Variants in DPH6 observed in about 807,000 individuals in gnomAD.
The protein encoded by DPH6 is diphthamine biosynthesis 6, also known as diphthine--ammonia ligase.
In DPH6, 33 loss-of-function variants were observed where a neutral mutation model predicts 38.2. The ratio of observed to expected loss-of-function variants is 0.86; its 90% CI spans 0.65 to 1.15. The LOEUF is 1.15. DPH6 is among the 50% of genes most tolerant of loss of function. The pLI is 0.00. For missense variants in DPH6, 325 were observed against 320.0 expected (o/e 1.02, Z -0.12); for synonymous variants, 108 against 103.0 (o/e 1.05, Z -0.30).
chr15:35,346,830 A>G (rs1369374514), intron 3 of DPH6, among the ~76,000 whole-genome samples: 1 of 152,112 alleles, frequency 6.6e-6, no homozygotes, highest in African/African-American at 2.4e-5. Flanking sequence ...TGGTTCAAAA[A>G]TTATTAATTT....
intron 3 of DPH6, among the ~76,000 whole-genome samples, chr15:35,297,373 T>C (rs918883386): frequency 6.6e-6 from 1 of 151,576 alleles, no homozygotes; most frequent in Admixed American, 6.6e-5. Context: ...TCATCTCCAC[T>C]GATCTGTTGA....
chr15:35,362,739 A>C (rs1176988613), intron 3 of DPH6, among the ~76,000 whole-genome samples: 1 of 152,040 alleles, frequency 6.6e-6, no homozygotes, highest in Non-Finnish European at 1.5e-5. Flanking sequence ...GATCACACCA[A>C]GTTGTGCTGT....
At chr15:35,303,619 T>C (rs965385539) in intron 3 of DPH6, among the ~76,000 whole-genome samples, 1 of 150,838 alleles carries the variant, frequency 6.6e-6, no homozygotes, top group Non-Finnish European at 1.5e-5. Context: ...CAATCAAAAA[T>C]AACCTGATGA....
chr15:35,387,345 A>G (rs6495765), intron 6 of DPH6, among the ~76,000 whole-genome samples: 55,630 of 151,878 alleles, frequency 0.37, 12,194 homozygotes, highest in African/African-American at 0.62. Flanking sequence ...GGTTCCATAT[A>G]AACTTTAAAG....
chr15:35,502,718 A>G lies in DPH6; in HGVS notation c.312+35556T>C, dbSNP rs147870578. Among the ~76,000 whole-genome samples, 47 of 151,908 alleles carry G rather than the reference A, an allele frequency of 3.1e-4. No homozygotes were observed. The East Asian group carries it at 8.7e-3, about 28-fold the overall frequency. ...ATTCTTGAAGCAACTTATATGCAAT[A>G]AAGAAAAATTGCAACAATATGTTAC... On this transcript the variant is annotated intron_variant, in intron 3 of 8. Transcript: ENST00000256538.
the DPH6 span, among the ~76,000 whole-genome samples, chr15:35,149,619 C>T: frequency 6.6e-6 from 1 of 152,220 alleles, no homozygotes; most frequent in African/African-American, 2.4e-5. Context: ...ATGCACTCCT[C>T]AACCCACAGT....
the DPH6 span, among the ~76,000 whole-genome samples, chr15:35,168,674 A>AT: frequency 6.6e-6 from 1 of 152,080 alleles, no homozygotes; most frequent in African/African-American, 2.4e-5. Flanking sequence ...ATATGTTAAA[A>AT]TTTTTTTAAA....
chr15:35,174,045 T>C, the DPH6 span, among the ~76,000 whole-genome samples: 1 of 152,204 alleles, frequency 6.6e-6, no homozygotes, highest in African/African-American at 2.4e-5. Flanking sequence ...TCCAGTGTTA[T>C]CGTGACAATT....
intron 6 of DPH6, among the ~76,000 whole-genome samples, chr15:35,393,132 T>C (rs1384056984): frequency 6.6e-6 from 1 of 152,116 alleles, no homozygotes; most frequent in Non-Finnish European, 1.5e-5. Flanking sequence ...GGATGAATGA[T>C]GGAGAAGGGG....
At chr15:35,357,227 TTCCCAGGTGAGGCGATGCC>T (rs1337002823) in intron 3 of DPH6, among the ~76,000 whole-genome samples, 1 of 152,230 alleles carries the variant, frequency 6.6e-6, no homozygotes, top group Non-Finnish European at 1.5e-5. Flanking sequence ...CCCCTTGTGC[TTCCCAGGTGAGGCGATGCC>T]TCGCCCTGCT....
Position 35,546,134 on chromosome 15 carries a change from A to C in DPH6, c.8T>G (p.Val3Gly), listed in dbSNP as rs780683833. The change falls in exon 1 of 9, where the codon GTC (valine) becomes GGC (glycine). Residue 3 changes from valine (V) to glycine (G), a missense_variant. Transcript: ENST00000256538. ...ACCGCATTACCTGATCAGAGCCGCG[A>C]CCCTCATGCTGGGCGCAGTGCGCGT... is the stretch of plus-strand genomic sequence containing the variant. MR[V>G]AALISGGKDS... The C allele has an allele frequency of 1.5e-5, 21 of 1,403,078 alleles. No homozygotes were observed. Among genetic ancestry groups the C allele is most frequent in the Non-Finnish European group, 2.0e-5 (21 of 1,064,286 alleles). 86.9% of individuals were successfully genotyped at this position (1,403,078 alleles called of 1,614,324 possible).
the DPH6 span, among the ~76,000 whole-genome samples, chr15:35,167,498 C>T: frequency 6.0e-5 from 9 of 150,958 alleles, no homozygotes; most frequent in Non-Finnish European, 7.4e-5. Context: ...ATTCATTGAC[C>T]GTAGCCTGTA....
At chr15:35,419,438 T>G (rs1022715207) in intron 5 of DPH6, among the ~76,000 whole-genome samples, 20 of 152,102 alleles carry the variant, frequency 1.3e-4, no homozygotes, top group African/African-American at 4.6e-4. Flanking sequence ...ATGAGTTATC[T>G]CAACACGTGA....
chr15:35,468,233 A>G (rs2054152284), intron 3 of DPH6, among the ~76,000 whole-genome samples: 1 of 152,176 alleles, frequency 6.6e-6, no homozygotes, highest in Non-Finnish European at 1.5e-5. Context: ...CCTTCAAGAG[A>G]GCTTTTATTA....
intron 3 of DPH6, among the ~76,000 whole-genome samples, chr15:35,270,035 G>A (rs181895247): frequency 6.6e-6 from 1 of 151,454 alleles, no homozygotes; most frequent in Non-Finnish European, 1.5e-5. Context: ...TCCTGACCTC[G>A]TGATCCGCCC....
At chr15:35,521,753 G>A in intron 3 of DPH6, 2 of 1,232,284 alleles carry the variant, frequency 1.6e-6, no homozygotes, top group African/African-American at 1.6e-5. Flanking sequence ...GTGAGCAATA[G>A]CTGCTAAAAG....
chr15:35,489,672 A>C, intron 3 of DPH6: 1 of 973,754 alleles, frequency 1.0e-6, no homozygotes, highest in Non-Finnish European at 1.2e-6. Flanking sequence ...ACAACAGTGT[A>C]TACAGAATAA....
At chr15:35,313,014 G>T (rs575495946) in intron 3 of DPH6, among the ~76,000 whole-genome samples, 1 of 152,144 alleles carries the variant, frequency 6.6e-6, no homozygotes, top group Non-Finnish European at 1.5e-5. Context: ...GATCACTTGA[G>T]GTCAGGAGTT....
chr15:35,207,030 T>C, the DPH6 span, among the ~76,000 whole-genome samples: 4 of 146,504 alleles, frequency 2.7e-5, no homozygotes, highest in Admixed American at 1.4e-4. Flanking sequence ...CAAATCAATT[T>C]AGTAAAGCTT....
Sources: gnomAD v4.1 joint callset for allele counts (sites outside exome capture counted in the v4.1 genomes callset) on GRCh38, gnomAD v4.1.1 for gene constraint, MANE v1.5 for transcripts, NCBI Gene and HGNC (gene_info 2026-07-23, HGNC 2026-07-21) for gene names.